The following CNTNAP5 variants were observed in gnomAD, a reference collection of about 807,000 sequenced individuals.
CNTNAP5 encodes contactin-associated protein-like 5.
In CNTNAP5, 72 loss-of-function variants were observed where a neutral mutation model predicts 150.2. The ratio of observed to expected loss-of-function variants is 0.48; its 90% CI spans 0.40 to 0.58. The LOEUF is 0.58. CNTNAP5 is among the 20% of genes least tolerant of loss of function. The probability of loss-of-function intolerance (pLI) is 0.00; values close to 1 mark genes in which losing one functional copy is unlikely to be tolerated. For missense variants in CNTNAP5, 1,636 were observed against 1,626.2 expected, an observed-to-expected ratio of 1.01 and a Z score of -0.10; for synonymous variants, 672 against 619.8, an observed-to-expected ratio of 1.08 and a Z score of -1.25.
At chr2:124,440,605 G>A (rs1232838074) in intron 5 of CNTNAP5, among the ~76,000 whole-genome samples, 1 of 152,092 alleles carries the variant, frequency 6.6e-6, no homozygotes, top group African/African-American at 2.4e-5. Context: ...GTGGAGGGAG[G>A]AGAATAAACT....
intron 2 of CNTNAP5, among the ~76,000 whole-genome samples, chr2:124,224,521 T>TAC (rs950790185): frequency 2.6e-5 from 4 of 151,888 alleles, no homozygotes; most frequent in African/African-American, 9.7e-5. Context: ...TATATATATA[T>TAC]ACACACACAT....
At chr2:124,098,538 G>A (rs900982421) in intron 1 of CNTNAP5, among the ~76,000 whole-genome samples, 1 of 152,116 alleles carries the variant, frequency 6.6e-6, no homozygotes, top group Non-Finnish European at 1.5e-5. Context: ...ATGATATTAC[G>A]TGTAGTAAAT....
intron 23 of CNTNAP5, among the ~76,000 whole-genome samples, chr2:124,912,204 T>C (rs1186709647): frequency 6.6e-6 from 1 of 152,114 alleles, no homozygotes; most frequent in Non-Finnish European, 1.5e-5. Context: ...CTTTGCTTCA[T>C]GTAAGATGCC....
At chr2:124,554,817 A>G (rs1434525947) in intron 10 of CNTNAP5, among the ~76,000 whole-genome samples, 1 of 152,194 alleles carries the variant, frequency 6.6e-6, no homozygotes, top group Non-Finnish European at 1.5e-5. Flanking sequence ...AAATATCTTC[A>G]AAGTTTTATT....
At chr2:124,745,511 C>T (rs981704906) in intron 13 of CNTNAP5, among the ~76,000 whole-genome samples, 5 of 152,142 alleles carry the variant, frequency 3.3e-5, no homozygotes, top group Admixed American at 6.5e-5. Context: ...TCCAAATAAG[C>T]CTGCCAGTCC....
chr2:124,834,317 G>A (rs764856414), intron 19 of CNTNAP5, among the ~76,000 whole-genome samples: 1 of 152,032 alleles, frequency 6.6e-6, no homozygotes, highest in Non-Finnish European at 1.5e-5. Context: ...ACTTACATAT[G>A]CACAAATGAT....
At chr2:124,803,125 A>AAAAG (rs1682007339) in intron 19 of CNTNAP5, among the ~76,000 whole-genome samples, 1 of 151,970 alleles carries the variant, frequency 6.6e-6, no homozygotes. Context: ...AAAAAAAAAA[A>AAAAG]AAGAAGTCTA....
intron 19 of CNTNAP5, among the ~76,000 whole-genome samples, chr2:124,829,408 A>G (rs1018987394): frequency 7.9e-5 from 12 of 152,166 alleles, no homozygotes; most frequent in Non-Finnish European, 1.2e-4. Flanking sequence ...ATTGGGCAGC[A>G]TGCTTACTTT....
rs187771516 is a variant in CNTNAP5 at position 124,042,107 on chromosome 2, T to C, written c.82+16375T>C. 4.7e-3 allele frequency among the ~76,000 whole-genome samples: 719 copies of C among 152,298 alleles called. 8 individuals are homozygous for C. The highest frequency in any genetic ancestry group is 0.017 in the African/African-American group (693 of 41,562). On this transcript the variant is annotated intron_variant, in intron 1 of 23. Coordinates refer to ENST00000682447, the MANE Select transcript of CNTNAP5 (RefSeq NM_001367498.1). ...CACTCCTGACATTAGGTGACCCACC[T>C]GCCTCGGCCCCGCAAAGTGCTGGGA...
chr2:124,357,078 T>C (rs1402292804), intron 3 of CNTNAP5, among the ~76,000 whole-genome samples: 1 of 152,236 alleles, frequency 6.6e-6, no homozygotes, highest in Non-Finnish European at 1.5e-5. Flanking sequence ...CATTTTTTCA[T>C]GTGCTTTTGG....
chr2:124,457,092 G>T (rs1365567628), intron 6 of CNTNAP5, among the ~76,000 whole-genome samples: 2 of 152,166 alleles, frequency 1.3e-5, no homozygotes, highest in Non-Finnish European at 2.9e-5. Flanking sequence ...AACAGCTTTT[G>T]CACAGCAAAA....
intron 17 of CNTNAP5, among the ~76,000 whole-genome samples, chr2:124,773,334 G>A (rs1681247167): frequency 1.3e-5 from 2 of 152,140 alleles, no homozygotes; most frequent in African/African-American, 2.4e-5. Flanking sequence ...CCAAGGGACA[G>A]GACATGTCAA....
chr2:124,583,550 A>G (rs1324519234), intron 11 of CNTNAP5, among the ~76,000 whole-genome samples: 1 of 152,212 alleles, frequency 6.6e-6, no homozygotes, highest in Non-Finnish European at 1.5e-5. Context: ...ACTTTTGTGA[A>G]GTTTAATAGC....
At chr2:124,898,705 C>A (rs1678357015) in intron 21 of CNTNAP5, among the ~76,000 whole-genome samples, 1 of 151,286 alleles carries the variant, frequency 6.6e-6, no homozygotes, top group African/African-American at 2.5e-5. Flanking sequence ...AGTAGAGTTC[C>A]ACAGCAAGCA....
At position 124,396,453 on chromosome 2, in the gene CNTNAP5, T is replaced by C. The variant is rs190334269; in HGVS notation, c.382-20990T>C. On this transcript the variant is annotated intron_variant, in intron 3 of 23. Coordinates refer to ENST00000682447, the MANE Select transcript of CNTNAP5 (RefSeq NM_001367498.1). The stretch of plus-strand genomic sequence containing the variant: ...CAAACTATTGGAGAAGGCTAATCAA[T>C]TCACAGTTCTAGGGGGTCCCTTTTT... 2.5e-3 allele frequency among the ~76,000 whole-genome samples: 388 copies of C among 152,294 alleles called. 3 individuals carry two copies. The highest frequency in any genetic ancestry group is 8.9e-3 in the African/African-American group (369 of 41,560).
chr2:124,678,416 C>A lies in CNTNAP5; in HGVS notation c.2077+30458C>A, dbSNP rs192695594. Among the ~76,000 whole-genome samples, 45 of 151,834 alleles carry A rather than the reference C, an allele frequency of 3.0e-4. 1 individual carries two copies. Among genetic ancestry groups the A allele is most frequent in the African/African-American group, 1.0e-3 (42 of 41,526 alleles). ...GTATCACCCCTTCTCTCTGCTAATA[C>A]CTAACTACATGTTTCAGGTGGTCTC... On this transcript the variant is annotated intron_variant, in intron 13 of 23. Coordinates refer to ENST00000682447, the MANE Select transcript of CNTNAP5 (RefSeq NM_001367498.1).
chr2:124,304,495 G>T (rs1688633840), intron 3 of CNTNAP5, among the ~76,000 whole-genome samples: 1 of 147,040 alleles, frequency 6.8e-6, no homozygotes, highest in African/African-American at 2.7e-5. Context: ...AGATCCTTCA[G>T]GTTTCTGATG....
intron 17 of CNTNAP5, among the ~76,000 whole-genome samples, chr2:124,776,799 G>A (rs747544142): frequency 2.0e-5 from 3 of 152,110 alleles, no homozygotes; most frequent in Non-Finnish European, 4.4e-5. Context: ...GTATTTGCAT[G>A]GAGGATAATA....
At chr2:124,419,153 A>AACAAAAAAC (rs1553466543) in intron 4 of CNTNAP5, among the ~76,000 whole-genome samples, 2 of 76,420 alleles carry the variant, frequency 2.6e-5, no homozygotes, top group East Asian at 4.3e-4. Context: ...AAAAAAAAAA[A>AACAAAAAAC]AAAAAAAAAA....
Sources: gnomAD v4.1 joint callset for allele counts (sites outside exome capture counted in the v4.1 genomes callset) on GRCh38, gnomAD v4.1.1 for gene constraint, MANE v1.5 for transcripts, NCBI Gene and HGNC (gene_info 2026-07-23, HGNC 2026-07-21) for gene names.